The following NEGR1 variants were observed in gnomAD, a reference collection of about 807,000 sequenced individuals.
NEGR1 encodes neuronal growth regulator 1, also known as IgLON family member 4.
Under a neutral mutation model 40.9 loss-of-function variants are expected in NEGR1, and 10 were observed. The ratio of observed to expected loss-of-function variants is 0.24; its 90% CI spans 0.15 to 0.42. The LOEUF (loss-of-function observed/expected upper bound fraction) is 0.42, where lower values mean the gene tolerates loss of function less well. Among genes scored for constraint, NEGR1 ranks in the 10% least tolerant of loss-of-function variants. The pLI, the probability that NEGR1 is intolerant of heterozygous loss-of-function variation, is 1.00. For missense variants in NEGR1, 352 were observed against 438.9 expected (o/e 0.80, Z 1.77); for synonymous variants, 185 against 166.8 (o/e 1.11, Z -0.84).
chr1:72,020,734 C>A (rs959939182), intron 1 of NEGR1, among the ~76,000 whole-genome samples: 1 of 152,092 alleles, frequency 6.6e-6, no homozygotes, highest in African/African-American at 2.4e-5. Context: ...ACTAGATATT[C>A]ATATAAGATT....
At chr1:71,675,029 A>G (rs2101603764) in intron 4 of NEGR1, among the ~76,000 whole-genome samples, 1 of 148,702 alleles carries the variant, frequency 6.7e-6, no homozygotes, top group African/African-American at 2.4e-5. Context: ...TGTTGTATAT[A>G]TTGCATAAAT....
intron 6 of NEGR1, among the ~76,000 whole-genome samples, chr1:71,451,147 C>T (rs1646625035): frequency 2.0e-5 from 3 of 152,124 alleles, no homozygotes; most frequent in African/African-American, 4.8e-5. Flanking sequence ...CTTGGGTGCT[C>T]CCTTAAGTAG....
At chr1:71,454,391 C>T (rs1646655155) in intron 6 of NEGR1, among the ~76,000 whole-genome samples, 1 of 151,762 alleles carries the variant, frequency 6.6e-6, no homozygotes, top group Admixed American at 6.6e-5. Context: ...TCTTGGATGT[C>T]AATAATATCT....
At chr1:72,040,611 A>T (rs1171405327) in intron 1 of NEGR1, among the ~76,000 whole-genome samples, 2 of 102,274 alleles carry the variant, frequency 2.0e-5, no homozygotes, top group African/African-American at 3.6e-5. Flanking sequence ...AAAAAAAAAA[A>T]TCAGAGAATA....
At chr1:72,108,747 GC>G (rs951689254) in intron 1 of NEGR1, among the ~76,000 whole-genome samples, 1 of 151,518 alleles carries the variant, frequency 6.6e-6, no homozygotes, top group Admixed American at 6.6e-5. Context: ...GGTATTCAAA[GC>G]CCCAGAACTG....
chr1:72,274,174 C>T lies in NEGR1; in HGVS notation c.176+8145G>A, dbSNP rs537139446. Among the ~76,000 whole-genome samples the T allele has an allele frequency of 3.9e-5, 6 of 152,034 alleles. No homozygotes were observed. The South Asian group carries it at 8.3e-4, about 21-fold the overall frequency. On this transcript the variant is annotated intron_variant, in intron 1 of 6. Transcript: ENST00000357731. The stretch of plus-strand genomic sequence containing the variant: ...TGCTACACTTTACCCGCTTTATGTT[C>T]GATTCCTCTCCCCTTTTCTCTCATC...
chr1:71,771,972 A>G (rs1008513909), intron 3 of NEGR1, among the ~76,000 whole-genome samples: 24 of 152,118 alleles, frequency 1.6e-4, no homozygotes, highest in African/African-American at 5.6e-4. Flanking sequence ...ATCTCTCCCT[A>G]CAGACTGTTT....
chr1:71,851,012 A>C (rs1199240242), intron 2 of NEGR1, among the ~76,000 whole-genome samples: 3 of 152,130 alleles, frequency 2.0e-5, no homozygotes, highest in African/African-American at 7.2e-5. Context: ...TCCACCTCTG[A>C]TAGTTTCAAG....
chr1:71,813,669 C>G (rs976462603), intron 2 of NEGR1, among the ~76,000 whole-genome samples: 1 of 152,002 alleles, frequency 6.6e-6, no homozygotes, highest in African/African-American at 2.4e-5. Flanking sequence ...AGCTGTATTG[C>G]TAGGTATTTC....
intron 3 of NEGR1, among the ~76,000 whole-genome samples, chr1:71,768,723 T>A (rs1364349738): frequency 1.3e-5 from 2 of 152,112 alleles, no homozygotes; most frequent in African/African-American, 4.8e-5. Flanking sequence ...AATGATATGG[T>A]TTGGATCTGT....
intron 6 of NEGR1, among the ~76,000 whole-genome samples, chr1:71,543,341 C>A (rs1276299153): frequency 2.6e-5 from 4 of 151,662 alleles, no homozygotes; most frequent in African/African-American, 9.7e-5. Flanking sequence ...GATATCAGAT[C>A]TCAAGATGGT....
chr1:71,847,325 C>G (rs1424086069), intron 2 of NEGR1, among the ~76,000 whole-genome samples: 1 of 152,116 alleles, frequency 6.6e-6, no homozygotes, highest in Non-Finnish European at 1.5e-5. Flanking sequence ...TTATTATCTT[C>G]CTTTCATTGC....
intron 1 of NEGR1, among the ~76,000 whole-genome samples, chr1:72,229,442 T>C (rs1654289076): frequency 6.7e-6 from 1 of 148,878 alleles, no homozygotes; most frequent in South Asian, 2.1e-4. Flanking sequence ...TTTTAAATAA[T>C]AATTATATAA....
Position 71,988,923 on chromosome 1 carries a change from TAAAAAAAAAAAA to T in NEGR1, c.177-53624_177-53613del, listed in dbSNP as rs10604833. 1.3e-4 allele frequency among the ~76,000 whole-genome samples: 11 copies of T among 82,234 alleles called. No homozygotes were observed. The East Asian group carries it at 4.0e-3, about 30-fold the overall frequency. 53.9% of individuals were successfully genotyped at this position (82,234 alleles called of 152,430 possible). ...CAATGAGCTCTATCATATTGGATGT[TAAAAAAAAAAAA>T]AAAAAAAAAAAAAGGCTTTCTATGT... On this transcript the variant is annotated intron_variant, in intron 1 of 6. Transcript: ENST00000357731.
chr1:72,107,365 GA>G (rs1003003949), intron 1 of NEGR1, among the ~76,000 whole-genome samples: 39 of 149,664 alleles, frequency 2.6e-4, no homozygotes, highest in Non-Finnish European at 4.5e-4. Context: ...TGAACAACAT[GA>G]AAAAAAAATT....
chr1:71,786,174 C>T (rs889509402), intron 2 of NEGR1, among the ~76,000 whole-genome samples: 6 of 151,996 alleles, frequency 3.9e-5, no homozygotes, highest in Non-Finnish European at 8.8e-5. Flanking sequence ...TAAAACTGCC[C>T]TTTAGTTAAA....
intron 4 of NEGR1, among the ~76,000 whole-genome samples, chr1:71,639,446 T>A (rs921906026): frequency 6.6e-6 from 1 of 152,074 alleles, no homozygotes; most frequent in Non-Finnish European, 1.5e-5. Flanking sequence ...TTGCTGAAGA[T>A]GTTTTGTCAA....
rs553584142 is a variant in NEGR1, at chr1:72,234,263, G to A, written c.176+48056C>T. On this transcript the variant is annotated intron_variant, in intron 1 of 6. Transcript: ENST00000357731. ...TGGTTTTCTGTTCCTGTGTTAGTTT[G>A]CTAAAGATAATGGTCTCTGGCTCCA... is the stretch of plus-strand genomic sequence containing the variant. 3.9e-5 allele frequency among the ~76,000 whole-genome samples: 6 copies of A among 152,158 alleles called. No individual in the cohort carries two copies. In the East Asian group the frequency reaches 1.2e-3, roughly 29 times the overall value.
chr1:71,701,692 GT>G, intron 3 of NEGR1, among the ~76,000 whole-genome samples: 1 of 151,724 alleles, frequency 6.6e-6, no homozygotes, highest in East Asian at 1.9e-4. Context: ...ATTCTGCATG[GT>G]TTTCTACCAA....
Sources: allele counts gnomAD v4.1 joint callset (sites outside exome capture counted in the v4.1 genomes callset), GRCh38; gene constraint gnomAD v4.1.1; transcripts MANE v1.5; gene names NCBI Gene and HGNC (gene_info 2026-07-23, HGNC 2026-07-21).